The following GREB1L variants were observed in gnomAD, a reference collection of about 807,000 sequenced individuals.
The protein encoded by GREB1L is GREB1-like protein.
In GREB1L, 17 loss-of-function variants were observed where a neutral mutation model predicts 200.8. The ratio of observed to expected loss-of-function variants is 0.08; its 90% CI spans 0.06 to 0.13. The LOEUF is 0.13. Among genes scored for constraint, GREB1L ranks in the 10% least tolerant of loss-of-function variants. GREB1L has a pLI of 1.00. For missense variants in GREB1L, 1,657 were observed against 2,367.7 expected, an observed-to-expected ratio of 0.70 and a Z score of 6.23; for synonymous variants, 789 against 893.0, an observed-to-expected ratio of 0.88 and a Z score of 2.08.
intron 1 of GREB1L, among the ~76,000 whole-genome samples, chr18:21,268,744 C>T (rs2038031772): frequency 6.6e-6 from 1 of 151,180 alleles, no homozygotes; most frequent in Non-Finnish European, 1.5e-5. Flanking sequence ...ACTACAGGTG[C>T]ACCCACCACG....
At chr18:21,519,855 G>A (rs1290391480) in intron 31 of GREB1L, among the ~76,000 whole-genome samples, 3 of 151,380 alleles carry the variant, frequency 2.0e-5, no homozygotes, top group Non-Finnish European at 2.9e-5. Flanking sequence ...TTACTTCTCC[G>A]TAATTTTTGC....
chr18:21,520,807 A>C lies in GREB1L; in HGVS notation c.5592A>C (p.Lys1864Asn). The change falls in exon 32 of 33, where the codon AAA becomes AAC. Residue 1864 changes from lysine to asparagine, a missense_variant. This residue lies in a region of GREB1L where 190 missense variants were observed against 230.2 expected (regional missense o/e 0.83). Coordinates refer to ENST00000424526, the MANE Select transcript of GREB1L (RefSeq NM_001142966.3). Reference protein sequence around the residue: ...CDSFVGADLKKFKFLKGATLC... With the variant: ...CDSFVGADLKNFKFLKGATLC... Reference sequence around the variant, plus strand: ...CTTTTGTAGGTGCTGATCTTAAGAAATTTAAATTTCTAAAAGGTAAGTCAA... The same window carrying C: ...CTTTTGTAGGTGCTGATCTTAAGAACTTTAAATTTCTAAAAGGTAAGTCAA... The C allele has an allele frequency of 7.1e-7, 1 of 1,402,952 alleles. No homozygotes were observed. 86.9% of individuals were successfully genotyped at this position (1,402,952 alleles called of 1,614,324 possible). A position where few individuals can be genotyped will look rare whatever the true frequency, so the allele number is the denominator to read the frequency against.
At chr18:21,491,582 G>A (rs1177822381) in intron 19 of GREB1L, among the ~76,000 whole-genome samples, 9 of 151,876 alleles carry the variant, frequency 5.9e-5, no homozygotes, top group African/African-American at 1.7e-4. Context: ...GTGTGGTGGC[G>A]GGTGCCTGTA....
chr18:21,501,164 G>A (rs1473656247), intron 23 of GREB1L, among the ~76,000 whole-genome samples: 2 of 151,532 alleles, frequency 1.3e-5, no homozygotes, highest in Non-Finnish European at 2.9e-5. Flanking sequence ...AGCTCATTGA[G>A]GTCAGGGATG....
intron 4 of GREB1L, among the ~76,000 whole-genome samples, chr18:21,389,257 A>G (rs1210738887): frequency 6.6e-6 from 1 of 151,364 alleles, no homozygotes; most frequent in Non-Finnish European, 1.5e-5. Flanking sequence ...TTGTTGCTCA[A>G]ATTGTTCAGT....
Position 21,441,424 on chromosome 18 carries a change from C to T in GREB1L, c.1094C>T (p.Pro365Leu). The change falls in exon 10 of 33, where the codon CCA (proline) becomes CTA (leucine). Residue 365 changes from proline to leucine, a missense_variant. Physicochemically the swap from Pro to Leu is moderately conservative, Grantham distance 98. Transcript: ENST00000424526. ...RTEPLLSAPVPQTPLTGILQP... is the reference protein window; with the variant it reads ...RTEPLLSAPVLQTPLTGILQP... ...GAGCCCCTTTTATCTGCCCCAGTTC[C>T]ACAGACCCCACTAACTGGAATTTTA... 2 of 1,549,550 alleles carry T rather than the reference C, an allele frequency of 1.3e-6. No homozygotes were observed. Among genetic ancestry groups the T allele is most frequent in the South Asian group, 1.2e-5 (1 of 83,404 alleles).
intron 17 of GREB1L, among the ~76,000 whole-genome samples, chr18:21,479,455 G>A (rs796346783): frequency 1.3e-5 from 2 of 152,150 alleles, no homozygotes; most frequent in African/African-American, 4.8e-5. Context: ...GAGGTGGGTG[G>A]ATCACTTGAG....
At chr18:21,514,210 T>A (rs747980187) in intron 28 of GREB1L, among the ~76,000 whole-genome samples, 20 of 152,088 alleles carry the variant, frequency 1.3e-4, no homozygotes, top group Non-Finnish European at 2.2e-4. Flanking sequence ...GATCACAGCG[T>A]TGGTTAGCTA....
At chr18:21,332,444 G>A (rs1056591994) in intron 1 of GREB1L, among the ~76,000 whole-genome samples, 2 of 150,774 alleles carry the variant, frequency 1.3e-5, no homozygotes, top group Non-Finnish European at 3.0e-5. Context: ...AACCAGTTCC[G>A]TTTATTTTCT....
chr18:21,473,322 C>T, intron 16 of GREB1L, 111 bp downstream of exon 16: 1 of 751,398 alleles, frequency 1.3e-6, no homozygotes, highest in East Asian at 3.3e-5. Context: ...GTAATCCCAA[C>T]ACTTTGGGAG....
intron 17 of GREB1L, among the ~76,000 whole-genome samples, chr18:21,479,422 T>C (rs1243290344): frequency 6.6e-6 from 1 of 152,152 alleles, no homozygotes; most frequent in African/African-American, 2.4e-5. Flanking sequence ...CTCACACCTG[T>C]AATCCCAGCA....
intron 7 of GREB1L, among the ~76,000 whole-genome samples, chr18:21,424,152 C>T (rs291781): frequency 0.56 from 85,258 of 152,044 alleles, 26,619 homozygotes; most frequent in African/African-American, 0.85. Context: ...ACAAAGCATC[C>T]GCTTACTACA....
chr18:21,495,608 T>C, intron 19 of GREB1L, 62 bp from the exon 20 acceptor site: 1 of 879,454 alleles, frequency 1.1e-6, no homozygotes, highest in Non-Finnish European at 1.8e-6. Context: ...CTCAGAAGCC[T>C]GTAAAAAAGG....
Position 21,520,193 on chromosome 18 carries a change from G to A in GREB1L, c.5473-495G>A, listed in dbSNP as rs982442369. Among the ~76,000 whole-genome samples, 7 of 151,964 alleles carry A rather than the reference G, an allele frequency of 4.6e-5. No individual in the cohort carries two copies. The South Asian group carries it at 8.3e-4, about 18-fold the overall frequency. On this transcript the variant is annotated intron_variant, in intron 31 of 32. Coordinates refer to ENST00000424526, the MANE Select transcript of GREB1L (RefSeq NM_001142966.3). The stretch of plus-strand genomic sequence containing the variant: ...TGACCTCAGATGATCCATCCACCTC[G>A]GCCTCTCAAAGGGCTGGGATTACAG...
chr18:21,291,766 TG>T (rs1449195862), intron 1 of GREB1L, among the ~76,000 whole-genome samples: 1 of 152,164 alleles, frequency 6.6e-6, no homozygotes, highest in African/African-American at 2.4e-5. Context: ...TAAAGAGAAA[TG>T]GAGGCTGGGC....
At position 21,321,209 on chromosome 18, in the gene GREB1L, C is replaced by T. The variant is rs538941572; in HGVS notation, c.-119-44818C>T. ...CTCAGGAGGCCTGAGGCAGGAGAATCGCTTGAACCCGGGAGGTGGAGGTTT... is the reference window on the plus strand; with the variant it reads ...CTCAGGAGGCCTGAGGCAGGAGAATTGCTTGAACCCGGGAGGTGGAGGTTT... On this transcript the variant is annotated intron_variant, in intron 1 of 32. Transcript: ENST00000424526. Among the ~76,000 whole-genome samples the T allele has an allele frequency of 7.3e-5, 11 of 151,466 alleles. No individual in the cohort carries two copies. In the East Asian group the frequency reaches 2.0e-3, roughly 27 times the overall value.
intron 2 of GREB1L, among the ~76,000 whole-genome samples, chr18:21,382,687 C>A (rs1264926170): frequency 6.6e-6 from 1 of 151,924 alleles, no homozygotes; most frequent in Admixed American, 6.6e-5. Context: ...GACGGGGTTT[C>A]ACCATGTTAG....
intron 7 of GREB1L, among the ~76,000 whole-genome samples, chr18:21,424,632 A>G (rs1447302563): frequency 6.6e-6 from 1 of 152,212 alleles, no homozygotes; most frequent in Non-Finnish European, 1.5e-5. Flanking sequence ...CTTTATTAAG[A>G]TATAATTCAT....
chr18:21,253,605 T>C (rs1192604241), intron 1 of GREB1L, among the ~76,000 whole-genome samples: 1 of 152,122 alleles, frequency 6.6e-6, no homozygotes, highest in African/African-American at 2.4e-5. Context: ...TTTAGAGAAA[T>C]TAAATGTAAT....
Sources: gnomAD v4.1 joint callset for allele counts (sites outside exome capture counted in the v4.1 genomes callset) on GRCh38, gnomAD v4.1.1 for gene constraint, gnomAD v4.1.1 regional missense constraint, MANE v1.5 for transcripts, NCBI Gene and HGNC (gene_info 2026-07-23, HGNC 2026-07-21) for gene names.